Variants in N4BP2L2 observed in about 807,000 individuals in gnomAD.
N4BP2L2 encodes NEDD4 binding protein 2 like 2.
In N4BP2L2, 50 loss-of-function variants were observed where a neutral mutation model predicts 56.2. The ratio of observed to expected loss-of-function variants is 0.89; its 90% CI spans 0.71 to 1.13. The LOEUF is 1.13. Ranked by LOEUF, N4BP2L2 falls within the 50% of genes most tolerant of loss-of-function variation. The probability of loss-of-function intolerance (pLI) is 0.00; values close to 1 mark genes in which losing one functional copy is unlikely to be tolerated. For synonymous variants in N4BP2L2, 203 were observed against 223.6 expected, an observed-to-expected ratio of 0.91 and a Z score of 0.82; for missense variants, 689 against 693.8, an observed-to-expected ratio of 0.99 and a Z score of 0.08.
chr13:32,521,129 A>G (rs2050768881), intron 5 of N4BP2L2, among the ~76,000 whole-genome samples: 1 of 152,218 alleles, frequency 6.6e-6, no homozygotes, highest in South Asian at 2.1e-4. Context: ...TTGAAAAGAT[A>G]GAAAAGTGGG....
chr13:32,465,839 A>C (rs2081124242), intron 6 of N4BP2L2, among the ~76,000 whole-genome samples: 1 of 152,048 alleles, frequency 6.6e-6, no homozygotes, highest in South Asian at 2.1e-4. Flanking sequence ...TTTTTAGTGG[A>C]GACAGGGTTT....
Position 32,521,517 on chromosome 13 carries a change from A to C in N4BP2L2, c.1474-68T>G, listed in dbSNP as rs937434145. 3 of 1,117,850 alleles carry C rather than the reference A, an allele frequency of 2.7e-6. No homozygotes were observed. In the Admixed American group the frequency reaches 6.6e-5, roughly 25 times the overall value. The allele number at this position is 1,117,850 out of a possible 1,614,324, so 69.2% of individuals were successfully genotyped here. ...TTCTTAAAGTAAAAAGAAGGCAGAC[A>C]GTTAAATTTCATTTCGACAATACTA... On this transcript the variant is annotated intron_variant, in intron 4 of 5. Coordinates refer to ENST00000267068, the Ensembl canonical transcript of N4BP2L2.
chr13:32,484,705 G>A (rs567768494), intron 6 of N4BP2L2, among the ~76,000 whole-genome samples: 4 of 152,192 alleles, frequency 2.6e-5, no homozygotes, highest in South Asian at 2.1e-4. Flanking sequence ...GGCTGTTCTC[G>A]AACTCCTGAC....
intron 1 of N4BP2L2, 134 bp from the exon 2 acceptor site, chr13:32,537,161 C>T: frequency 1.6e-6 from 1 of 608,570 alleles, no homozygotes; most frequent in Non-Finnish European, 2.5e-6. Flanking sequence ...TCCCAAAATA[C>T]CAGTCACTTT....
chr13:32,436,369 G>T, exon 9 of N4BP2L2: 6 of 1,221,042 alleles, frequency 4.9e-6, no homozygotes, highest in Non-Finnish European at 5.7e-6. Context: ...ACAGTTCAAG[G>T]AATTTTCATT....
exon 2 of N4BP2L2, chr13:32,536,471 T>C (rs2056582721): frequency 1.2e-6 from 2 of 1,612,752 alleles, no homozygotes; most frequent in African/African-American, 2.7e-5. Context: ...AAAACCATCT[T>C]TTTCCTTTTC....
In N4BP2L2 at chr13:32,526,818, G is replaced by GTTTTTTTTTTTTTTTTTTTTT. The variant is rs35925361; in HGVS notation, c.1384+569_1384+589dup. On this transcript the variant is annotated intron_variant, in intron 3 of 5. Transcript: ENST00000267068. ...CTGAGGCCAGGCACACTTTTTGTCT[G>GTTTTTTTTTTTTTTTTTTTTT]TTTTTTTTTTTTTTTTTTTTTTTTT... 2.9e-4 allele frequency: 7 copies of GTTTTTTTTTTTTTTTTTTTTT among 24,244 alleles called. 1 individual carries two copies. The highest frequency in any genetic ancestry group is 6.8e-4 in the African/African-American group (5 of 7,326). 1.5% of individuals were successfully genotyped at this position (24,244 alleles called of 1,614,324 possible).
At chr13:32,482,567 T>C (rs892497449) in intron 6 of N4BP2L2, among the ~76,000 whole-genome samples, 6 of 151,810 alleles carry the variant, frequency 4.0e-5, no homozygotes, top group Admixed American at 2.6e-4. Context: ...AGTTTCACCA[T>C]GTTGGCCAGG....
At chr13:32,511,923 C>A (rs374682884) in exon 6 of N4BP2L2, 1 of 151,840 alleles carries the variant, frequency 6.6e-6, no homozygotes, top group African/African-American at 2.4e-5. Context: ...CATTTTGTTA[C>A]ACTAAAAAAC....
At chr13:32,436,856 A>ATATTTATT (rs1356486779) in intron 8 of N4BP2L2, among the ~76,000 whole-genome samples, 4 of 139,332 alleles carry the variant, frequency 2.9e-5, no homozygotes, top group South Asian at 2.2e-4. Flanking sequence ...TAAATATCTA[A>ATATTTATT]TATCTATCTA....
intron 6 of N4BP2L2, among the ~76,000 whole-genome samples, chr13:32,463,489 C>T (rs2080588236): frequency 6.6e-6 from 1 of 151,776 alleles, no homozygotes; most frequent in Admixed American, 6.6e-5. Flanking sequence ...CATGGTGAAA[C>T]CCCATCTCTA....
chr13:32,532,117 A>T (rs1251352204), intron 2 of N4BP2L2, among the ~76,000 whole-genome samples: 1 of 152,186 alleles, frequency 6.6e-6, no homozygotes, highest in Non-Finnish European at 1.5e-5. Context: ...CCTTAATCAA[A>T]TTTGCAAAAT....
intron 6 of N4BP2L2, among the ~76,000 whole-genome samples, chr13:32,479,186 G>A (rs901601177): frequency 6.6e-6 from 1 of 151,932 alleles, no homozygotes; most frequent in Admixed American, 6.6e-5. Context: ...GGTAACATAG[G>A]CCATATGTAC....
intron 6 of N4BP2L2, among the ~76,000 whole-genome samples, chr13:32,458,156 C>T (rs2079315794): frequency 1.3e-5 from 2 of 152,248 alleles, no homozygotes; most frequent in East Asian, 1.9e-4. Flanking sequence ...GCTCCGTCTC[C>T]CAGGTTCATG....
At chr13:32,494,477 C>A (rs2088000159) in intron 6 of N4BP2L2, among the ~76,000 whole-genome samples, 1 of 151,866 alleles carries the variant, frequency 6.6e-6, no homozygotes, top group African/African-American at 2.4e-5. Context: ...AAAGTACTAT[C>A]TTTAGGCTGG....
At chr13:32,535,820 A>G in exon 2 of N4BP2L2, 2 of 1,614,122 alleles carry the variant, frequency 1.2e-6, no homozygotes, top group South Asian at 2.2e-5. Flanking sequence ...AAGAATAAGT[A>G]ACTTCTGCAA....
chr13:32,528,055 C>A (rs2053594432), intron 2 of N4BP2L2, among the ~76,000 whole-genome samples: 1 of 152,188 alleles, frequency 6.6e-6, no homozygotes, highest in Non-Finnish European at 1.5e-5. Context: ...CAGGCATGAG[C>A]CACCGTGCCT....
chr13:32,493,215 G>A (rs561775518), intron 6 of N4BP2L2, among the ~76,000 whole-genome samples: 15 of 151,956 alleles, frequency 9.9e-5, no homozygotes, highest in African/African-American at 3.1e-4. Flanking sequence ...TTGAGCCACC[G>A]TGCCCAGTCT....
At chr13:32,500,492 G>C (rs1467307019) in intron 6 of N4BP2L2, among the ~76,000 whole-genome samples, 1 of 149,216 alleles carries the variant, frequency 6.7e-6, no homozygotes, top group Non-Finnish European at 1.5e-5. Flanking sequence ...AGCACTTAGG[G>C]AGGATCACTT....
Sources: gnomAD v4.1 joint callset for allele counts (sites outside exome capture counted in the v4.1 genomes callset) on GRCh38, gnomAD v4.1.1 for gene constraint, MANE v1.5 for transcripts, NCBI Gene and HGNC (gene_info 2026-07-23, HGNC 2026-07-21) for gene names.